The following MTMR7 variants were observed in gnomAD, a reference collection of about 807,000 sequenced individuals.
MTMR7 encodes phosphatidylinositol-3-phosphate phosphatase MTMR7.
MTMR7 carries 76 observed loss-of-function variants against 81.2 expected under a neutral mutation model. The observed-to-expected ratio is 0.94, with a 90% CI of 0.78 to 1.13. The LOEUF is 1.13. Among genes scored for constraint, MTMR7 ranks in the 50% most tolerant of loss-of-function variants. The pLI is 0.00. For missense variants in MTMR7, 1,044 were observed against 820.0 expected (o/e 1.27, Z -3.34); for synonymous variants, 372 against 289.8 (o/e 1.28, Z -2.88).
chr8:17,322,240 A>G (rs1180291171), intron 7 of MTMR7, among the ~76,000 whole-genome samples: 2 of 152,210 alleles, frequency 1.3e-5, no homozygotes, highest in Non-Finnish European at 2.9e-5. Context: ...CTGAACATCC[A>G]CCAGGTGAAG....
intron 1 of MTMR7, among the ~76,000 whole-genome samples, chr8:17,381,150 G>A (rs1820745808): frequency 6.6e-6 from 1 of 152,116 alleles, no homozygotes; most frequent in Non-Finnish European, 1.5e-5. Context: ...AAAAGACTAT[G>A]CCCCAGTTTA....
chr8:17,344,659 C>T (rs1017268865), intron 5 of MTMR7, among the ~76,000 whole-genome samples: 2 of 152,134 alleles, frequency 1.3e-5, no homozygotes, highest in Admixed American at 6.5e-5. Context: ...ACCAGTTGTG[C>T]TCTCACTCAC....
intron 11 of MTMR7, 128 bp from the exon 12 acceptor site, chr8:17,304,647 T>G (rs1336137843): frequency 1.1e-6 from 1 of 896,034 alleles, no homozygotes; most frequent in Non-Finnish European, 1.7e-6. Context: ...CGATAGCAGG[T>G]AAATGTATCA....
chr8:17,340,875 T>C (rs1243839876), intron 6 of MTMR7, among the ~76,000 whole-genome samples: 2 of 152,200 alleles, frequency 1.3e-5, no homozygotes, highest in East Asian at 1.9e-4. Context: ...TAGAACTTTT[T>C]ATGAAAAAAA....
At chr8:17,303,245 A>C (rs1015808559) in intron 12 of MTMR7, among the ~76,000 whole-genome samples, 3 of 152,196 alleles carry the variant, frequency 2.0e-5, no homozygotes, top group African/African-American at 7.2e-5. Flanking sequence ...CCAACTGGTC[A>C]TATCTCAACA....
chr8:17,387,082 C>G (rs1218067514), intron 1 of MTMR7, among the ~76,000 whole-genome samples: 2 of 152,230 alleles, frequency 1.3e-5, no homozygotes, highest in Non-Finnish European at 2.9e-5. Flanking sequence ...TAAACAGGTT[C>G]CTCCTTTCAT....
intron 7 of MTMR7, among the ~76,000 whole-genome samples, chr8:17,322,028 T>A (rs1355226649): frequency 1.3e-5 from 2 of 152,006 alleles, no homozygotes; most frequent in African/African-American, 2.4e-5. Flanking sequence ...AGAAAAAGTC[T>A]CCATTTGAAC....
In MTMR7 at chr8:17,305,977, A is replaced by G; in HGVS notation, c.1152-20T>C. 6.3e-7 allele frequency: 1 copy of G among 1,575,686 alleles called. No individual in the cohort carries two copies. Among genetic ancestry groups the G allele is most frequent in the South Asian group, 1.1e-5 (1 of 87,186 alleles). ...CCATATCTATAAAACAAAGCATTAG[A>G]GACTTTTTAAGGCAGATTTATTTTT... On this transcript the variant is annotated intron_variant, in intron 10 of 13. Transcript: ENST00000180173.
chr8:17,363,559 G>C (rs1268465700), intron 3 of MTMR7, among the ~76,000 whole-genome samples: 1 of 152,122 alleles, frequency 6.6e-6, no homozygotes, highest in Non-Finnish European at 1.5e-5. Context: ...TGTTGAACTA[G>C]GAGACCTTAG....
At chr8:17,350,347 G>C (rs972376794) in intron 4 of MTMR7, among the ~76,000 whole-genome samples, 2 of 152,222 alleles carry the variant, frequency 1.3e-5, no homozygotes, top group African/African-American at 4.8e-5. Context: ...ACATGGCTGG[G>C]AGGCCTCATA....
intron 1 of MTMR7, among the ~76,000 whole-genome samples, chr8:17,391,603 C>T (rs1821111393): frequency 6.6e-6 from 1 of 152,056 alleles, no homozygotes; most frequent in South Asian, 2.1e-4. Flanking sequence ...AGGCAGAATC[C>T]CTTCCTTAAA....
At chr8:17,301,599 T>G (rs1817116546) in intron 13 of MTMR7, 1 of 152,408 alleles carries the variant, frequency 6.6e-6, no homozygotes, top group Non-Finnish European at 1.5e-5. Context: ...TAGAATAGAC[T>G]AATAGAATCC....
intron 1 of MTMR7, among the ~76,000 whole-genome samples, chr8:17,407,570 G>A (rs1202074566): frequency 6.6e-6 from 1 of 151,430 alleles, no homozygotes; most frequent in African/African-American, 2.4e-5. Context: ...ATGGGGAAGT[G>A]GTAAATATAA....
At chr8:17,304,041 A>G (rs1326221494) in intron 12 of MTMR7, among the ~76,000 whole-genome samples, 1 of 152,192 alleles carries the variant, frequency 6.6e-6, no homozygotes, top group East Asian at 1.9e-4. Context: ...ACACGTCATG[A>G]TCACTGTTGA....
chr8:17,311,908 C>A lies in MTMR7; in HGVS notation c.976-272G>T, dbSNP rs1164475261. 1.1e-5 allele frequency: 4 copies of A among 364,092 alleles called. No homozygotes were observed. The East Asian group carries it at 2.0e-4, about 18-fold the overall frequency. 22.6% of individuals were successfully genotyped at this position (364,092 alleles called of 1,614,324 possible). A position where few individuals can be genotyped will look rare whatever the true frequency, so the allele number is the denominator to read the frequency against. Reference sequence around the variant, plus strand: ...TACTTACTAAACATAAGCATTCGTCCTATGCAAACGGACCTTCAACCCTCT... The same window carrying A: ...TACTTACTAAACATAAGCATTCGTCATATGCAAACGGACCTTCAACCCTCT... On this transcript the variant is annotated intron_variant, in intron 8 of 13. Transcript: ENST00000180173.
Position 17,305,693 on chromosome 8 carries a change from T to C in MTMR7, c.1352+64A>G. On this transcript the variant is annotated intron_variant, in intron 11 of 13. Coordinates refer to ENST00000180173, the MANE Select transcript of MTMR7 (RefSeq NM_004686.5). The stretch of plus-strand genomic sequence containing the variant: ...GTCTTCAAAATTATGAAAGGCCACC[T>C]AAAATTCTCAGTCATCAAAATCTTT... The C allele has an allele frequency of 2.8e-6, 4 of 1,436,178 alleles. No individual in the cohort carries two copies. In the South Asian group the frequency reaches 3.7e-5, roughly 13 times the overall value. The allele number at this position is 1,436,178 out of a possible 1,614,324, so 89.0% of individuals were successfully genotyped here.
At chr8:17,329,434 G>C (rs1264860059) in intron 7 of MTMR7, among the ~76,000 whole-genome samples, 2 of 152,178 alleles carry the variant, frequency 1.3e-5, no homozygotes, top group African/African-American at 4.8e-5. Flanking sequence ...CTGCCCTCCA[G>C]AACTTGGTCA....
Position 17,341,494 on chromosome 8 carries a change from A to C in MTMR7, c.601T>G (p.Ser201Ala), listed in dbSNP as rs780837927. The C allele has an allele frequency of 6.2e-7, 1 of 1,613,460 alleles. No homozygotes were observed. The highest frequency in any genetic ancestry group is 1.7e-5 in the Admixed American group (1 of 60,006). The change falls in exon 6 of 14, where the codon TCC becomes GCC. Residue 201 changes from serine (S) to alanine (A), a missense_variant. Ser to Ala is a moderately conservative substitution (Grantham distance 99, BLOSUM62 1). Transcript: ENST00000180173. ...LSYYYKDNHA[S>A]ICRSSQPLSG... ...AGGGGCTGGCTGCTCCGGCAGATGG[A>C]GGCCTAGGGGGAGAGGTCACAGCAA...
At chr8:17,401,891 G>T (rs2150584163) in intron 1 of MTMR7, among the ~76,000 whole-genome samples, 1 of 152,230 alleles carries the variant, frequency 6.6e-6, no homozygotes, top group South Asian at 2.1e-4. Context: ...CAGGTACTAT[G>T]AATCTTATGC....
Sources: gnomAD v4.1 joint callset for allele counts (sites outside exome capture counted in the v4.1 genomes callset) on GRCh38, gnomAD v4.1.1 for gene constraint, MANE v1.5 for transcripts, NCBI Gene and HGNC (gene_info 2026-07-23, HGNC 2026-07-21) for gene names.